EIF3K: variants seen among roughly 807,000 people sequenced by gnomAD.
The protein encoded by EIF3K is eIF-3 p28.
Under a neutral mutation model 34.2 loss-of-function variants are expected in EIF3K, and 27 were observed. The observed-to-expected ratio is 0.79, with a 90% CI of 0.58 to 1.09. The LOEUF is 1.09. Ranked by LOEUF, EIF3K falls within the 50% of genes least tolerant of loss-of-function variation. The probability of loss-of-function intolerance (pLI) is 0.00; values close to 1 mark genes in which losing one functional copy is unlikely to be tolerated. For synonymous variants in EIF3K, 105 were observed against 105.7 expected (o/e 0.99, Z 0.04); for missense variants, 232 against 275.4 (o/e 0.84, Z 1.11).
intron 2 of EIF3K, among the ~76,000 whole-genome samples, chr19:38,620,841 C>T (rs1975824151): frequency 6.6e-6 from 1 of 151,990 alleles, no homozygotes; most frequent in South Asian, 2.1e-4. Flanking sequence ...TTGTGGTGAA[C>T]CAAGATCGCG....
At position 38,626,166 on chromosome 19, in the gene EIF3K, G is replaced by A. The variant is rs2233000; in HGVS notation, c.354+64G>A. The A allele has an allele frequency of 4.1e-6, 6 of 1,458,084 alleles. No individual in the cohort carries two copies. In the African/African-American group the frequency reaches 8.4e-5, roughly 20 times the overall value. 90.3% of individuals were successfully genotyped at this position (1,458,084 alleles called of 1,614,324 possible). A position where few individuals can be genotyped will look rare whatever the true frequency, so the allele number is the denominator to read the frequency against. On this transcript the variant is annotated intron_variant, in intron 4 of 7. Transcript: ENST00000248342. ...GGCCATGTGGAGCTGAGTGCTAAAA[G>A]TAACAACGGTGCACACTGACTGGCT...
At chr19:38,626,161 T>C (rs912002860) in intron 4 of EIF3K, 59 bp downstream of exon 4, 1 of 1,503,830 alleles carries the variant, frequency 6.6e-7, no homozygotes, top group African/African-American at 1.4e-5. Flanking sequence ...AGCTGAGTGC[T>C]AAAAGTAACA....
chr19:38,636,212 A>T (rs1284738700), intron 7 of EIF3K, among the ~76,000 whole-genome samples: 1 of 152,098 alleles, frequency 6.6e-6, no homozygotes, highest in Non-Finnish European at 1.5e-5. Flanking sequence ...TCACAGGTGG[A>T]GAGGGCAGTG....
intron 2 of EIF3K, among the ~76,000 whole-genome samples, chr19:38,621,284 A>G (rs1975835578): frequency 6.6e-6 from 1 of 151,422 alleles, no homozygotes; most frequent in South Asian, 2.1e-4. Context: ...CCAGTGGCGC[A>G]TGGCTGTAGT....
At chr19:38,631,837 T>G (rs1976073700) in intron 4 of EIF3K, among the ~76,000 whole-genome samples, 1 of 152,146 alleles carries the variant, frequency 6.6e-6, no homozygotes, top group Non-Finnish European at 1.5e-5. Flanking sequence ...TACTTGAGAT[T>G]AGGGAGTGGT....
chr19:38,625,349 A>G (rs1430858814), intron 3 of EIF3K, among the ~76,000 whole-genome samples: 4 of 151,856 alleles, frequency 2.6e-5, no homozygotes, highest in Non-Finnish European at 5.9e-5. Flanking sequence ...TATTTTTAGT[A>G]GAGACGGGGT....
At chr19:38,622,778 C>T (rs943264465) in intron 2 of EIF3K, among the ~76,000 whole-genome samples, 1 of 152,230 alleles carries the variant, frequency 6.6e-6, no homozygotes. Context: ...CAGAGACCTA[C>T]CCCTAGGTGC....
At chr19:38,619,481 G>A (rs1263251515) in intron 1 of EIF3K, among the ~76,000 whole-genome samples, 154 bp downstream of exon 1, 2 of 152,192 alleles carry the variant, frequency 1.3e-5, no homozygotes. Flanking sequence ...ACGGCACTGA[G>A]CTGGGGGTAG....
At chr19:38,624,347 C>T in intron 3 of EIF3K, 150 bp downstream of exon 3, 1 of 1,270,148 alleles carries the variant, frequency 7.9e-7, no homozygotes, top group Non-Finnish European at 1.1e-6. Context: ...AGTGCTGGGA[C>T]ACTGGTGACT....
chr19:38,629,647 G>T (rs752250810), intron 4 of EIF3K, among the ~76,000 whole-genome samples: 1 of 152,262 alleles, frequency 6.6e-6, no homozygotes, highest in East Asian at 1.9e-4. Flanking sequence ...GCATCCATGT[G>T]GGGGATTCCC....
At chr19:38,635,462 A>G (rs1305863897) in intron 7 of EIF3K, 5 of 391,974 alleles carry the variant, frequency 1.3e-5, no homozygotes, top group Admixed American at 8.1e-5. Context: ...CCCAAGCCTC[A>G]TGTGCAGACT....
intron 1 of EIF3K, 78 bp downstream of exon 1, chr19:38,619,405 C>G (rs766878287): frequency 3.2e-6 from 5 of 1,547,036 alleles, no homozygotes; most frequent in Non-Finnish European, 4.4e-6. Flanking sequence ...AAGGGGTGTT[C>G]AGGGTCCTGG....
chr19:38,633,084 T>C (rs1976105927), intron 6 of EIF3K, among the ~76,000 whole-genome samples: 2 of 152,140 alleles, frequency 1.3e-5, no homozygotes, highest in African/African-American at 4.8e-5. Context: ...GAGAGGCCCG[T>C]GGCCTGAGGT....
intron 2 of EIF3K, among the ~76,000 whole-genome samples, chr19:38,620,940 G>A (rs1275546733): frequency 6.6e-6 from 1 of 152,002 alleles, no homozygotes; most frequent in Non-Finnish European, 1.5e-5. Context: ...AGGGGCTCAT[G>A]CCTGTAATCC....
intron 7 of EIF3K, 144 bp downstream of exon 7, chr19:38,635,262 T>A: frequency 8.3e-7 from 1 of 1,211,006 alleles, no homozygotes; most frequent in East Asian, 2.4e-5. Context: ...ATTCACCTTG[T>A]GTCTTGGGGC....
intron 6 of EIF3K, among the ~76,000 whole-genome samples, chr19:38,633,672 A>G (rs1272658999): frequency 6.7e-6 from 1 of 148,916 alleles, no homozygotes; most frequent in East Asian, 2.0e-4. Context: ...CACTAGTGAT[A>G]AGATCGAAAC....
At chr19:38,627,097 G>C (rs897782754) in intron 4 of EIF3K, among the ~76,000 whole-genome samples, 1 of 152,050 alleles carries the variant, frequency 6.6e-6, no homozygotes, top group Admixed American at 6.5e-5. Context: ...ACTGATTCTC[G>C]TGCCTCAGCC....
At chr19:38,619,748 T>A (rs1250548277) in intron 1 of EIF3K, among the ~76,000 whole-genome samples, 2 of 152,232 alleles carry the variant, frequency 1.3e-5, no homozygotes, top group Non-Finnish European at 2.9e-5. Context: ...AAGTCATTCA[T>A]TCTCCACACG....
chr19:38,621,766 GTTTTTTGT>G (rs993655444), intron 2 of EIF3K, among the ~76,000 whole-genome samples: 8 of 152,120 alleles, frequency 5.3e-5, no homozygotes, highest in African/African-American at 1.2e-4. Flanking sequence ...TCCATCCAGT[GTTTTTTGT>G]TTTTTTGTTT....
Sources: allele counts gnomAD v4.1 joint callset (sites outside exome capture counted in the v4.1 genomes callset), GRCh38; gene constraint gnomAD v4.1.1; transcripts MANE v1.5; gene names NCBI Gene and HGNC (gene_info 2026-07-23, HGNC 2026-07-21).